The following RFWD3 variants were observed in gnomAD, a reference collection of about 807,000 sequenced individuals.
The protein encoded by RFWD3 is ring finger and WD repeat domain 3, also known as E3 ubiquitin-protein ligase RFWD3.
Under a neutral mutation model 87.7 loss-of-function variants are expected in RFWD3, and 65 were observed. That is an observed-to-expected ratio of 0.74 (90% confidence interval 0.61 to 0.91). The LOEUF is 0.91. Among genes scored for constraint, RFWD3 ranks in the 40% least tolerant of loss-of-function variants. The probability of loss-of-function intolerance (pLI) is 0.00; values close to 1 mark genes in which losing one functional copy is unlikely to be tolerated. For synonymous variants in RFWD3, 433 were observed against 352.8 expected (o/e 1.23, Z -2.55); for missense variants, 1,078 against 938.5 (o/e 1.15, Z -1.94).
At chr16:74,651,026 A>G (rs1960521656) in intron 3 of RFWD3, among the ~76,000 whole-genome samples, 2 of 152,266 alleles carry the variant, frequency 1.3e-5, no homozygotes, top group South Asian at 4.1e-4. Context: ...TGGGGTTCTA[A>G]CAACTTACGA....
At chr16:74,628,969 T>A (rs950918355) in intron 10 of RFWD3, among the ~76,000 whole-genome samples, 2 of 151,788 alleles carry the variant, frequency 1.3e-5, no homozygotes. Flanking sequence ...ATGTGAAGCT[T>A]CTGGAAATGG....
chr16:74,634,376 C>A (rs11859709), intron 8 of RFWD3, among the ~76,000 whole-genome samples: 1,488 of 97,226 alleles, frequency 0.015, 19 homozygotes, highest in African/African-American at 0.079. Context: ...TTACTAAGTA[C>A]TTTATATATA....
chr16:74,653,490 C>CAA (rs199536829), intron 2 of RFWD3, among the ~76,000 whole-genome samples: 7 of 137,622 alleles, frequency 5.1e-5, no homozygotes, highest in Non-Finnish European at 7.9e-5. Context: ...ACTCCATCTT[C>CAA]AAAAAAAAAA....
At chr16:74,635,313 A>T (rs189654865) in intron 8 of RFWD3, among the ~76,000 whole-genome samples, 25 of 152,022 alleles carry the variant, frequency 1.6e-4, no homozygotes, top group East Asian at 1.4e-3. Context: ...AAATAAAAAA[A>T]AAAATTAACT....
At chr16:74,666,178 C>T (rs955895065) in intron 1 of RFWD3, 23 of 136,736 alleles carry the variant, frequency 1.7e-4, no homozygotes, top group Non-Finnish European at 2.7e-4. Flanking sequence ...ATTAGATAGA[C>T]AGATTAGATA....
At position 74,636,342 on chromosome 16, in the gene RFWD3, T is replaced by C; in HGVS notation, c.1426+4A>G. The C allele has an allele frequency of 3.1e-6, 5 of 1,612,948 alleles. No homozygotes were observed. The highest frequency in any genetic ancestry group is 4.2e-6 in the Non-Finnish European group (5 of 1,178,920). On this transcript the variant is annotated splice_donor_region_variant and intron_variant, in intron 8 of 12. Transcript: ENST00000361070. ...CATGAAAGCTGAGGTTCTAGACTCT[T>C]TACCTGGAAGAAAAGAGGCCTGAGG...
chr16:74,652,992 A>G (rs948319420), intron 2 of RFWD3, among the ~76,000 whole-genome samples: 1 of 152,124 alleles, frequency 6.6e-6, no homozygotes, highest in Non-Finnish European at 1.5e-5. Context: ...AATTAATAAA[A>G]CCTTATACTA....
At chr16:74,636,107 C>T (rs1325073848) in intron 8 of RFWD3, among the ~76,000 whole-genome samples, 2 of 152,172 alleles carry the variant, frequency 1.3e-5, no homozygotes, top group Non-Finnish European at 2.9e-5. Flanking sequence ...TTCCAAGGAC[C>T]TCACCATCTG....
At chr16:74,634,775 T>C (rs911673280) in intron 8 of RFWD3, among the ~76,000 whole-genome samples, 2 of 151,698 alleles carry the variant, frequency 1.3e-5, no homozygotes, top group Non-Finnish European at 2.9e-5. Flanking sequence ...CTTACTGTAC[T>C]TTCTTCTAGC....
chr16:74,657,213 CTA>C (rs1453741308), intron 2 of RFWD3, among the ~76,000 whole-genome samples: 1 of 152,184 alleles, frequency 6.6e-6, no homozygotes, highest in East Asian at 1.9e-4. Flanking sequence ...TTGGTTTTTA[CTA>C]TGATTACAGG....
At chr16:74,651,806 A>G (rs1960587502) in intron 3 of RFWD3, 114 bp downstream of exon 3, 2 of 905,836 alleles carry the variant, frequency 2.2e-6, no homozygotes, top group African/African-American at 1.7e-5. Flanking sequence ...GGAATCCACA[A>G]CATTTAGGGG....
At chr16:74,660,665 G>T in intron 2 of RFWD3, 1 of 334,082 alleles carries the variant, frequency 3.0e-6, no homozygotes, top group South Asian at 6.6e-5. Flanking sequence ...AGAATTTTTG[G>T]TGTACAAGAC....
At chr16:74,635,298 A>G (rs1567571003) in intron 8 of RFWD3, among the ~76,000 whole-genome samples, 3 of 151,726 alleles carry the variant, frequency 2.0e-5, no homozygotes, top group Admixed American at 1.3e-4. Flanking sequence ...AATAAAAAAA[A>G]TAAAAAATAA....
At chr16:74,631,011 C>G in intron 9 of RFWD3, 54 bp from the exon 10 acceptor site, 1 of 1,442,892 alleles carries the variant, frequency 6.9e-7, no homozygotes, top group Non-Finnish European at 9.5e-7. Context: ...AAATACATGA[C>G]AAAGATGTAA....
rs765886734 is a variant in RFWD3 at position 74,630,830 on chromosome 16, C to A, written c.1705G>T (p.Val569Leu). ...TGCACATGACTGCTCGTGTTTCGCA[C>A]GTCATATACCAGAATTGAACCATTG... Reference protein sequence around the residue: ...LANGSILVYDVRNTSSHVQEL... With the variant: ...LANGSILVYDLRNTSSHVQEL... Residue 569 changes from valine (V) to leucine (L), a missense_variant, in exon 10 of 13, where the codon GTG becomes TTG. Transcript: ENST00000361070. 1 of 1,613,058 alleles carries A rather than the reference C, an allele frequency of 6.2e-7. No individual in the cohort carries two copies. Among genetic ancestry groups the A allele is most frequent in the Non-Finnish European group, 8.5e-7 (1 of 1,179,626 alleles).
At chr16:74,649,019 C>T in intron 4 of RFWD3, 113 bp downstream of exon 4, 1 of 561,218 alleles carries the variant, frequency 1.8e-6, no homozygotes, top group Non-Finnish European at 2.9e-6. Context: ...GAGTTTGAAA[C>T]TGCAGTGAGT....
intron 1 of RFWD3, among the ~76,000 whole-genome samples, chr16:74,666,077 G>T (rs866428352): frequency 2.1e-4 from 32 of 151,998 alleles, no homozygotes; most frequent in African/African-American, 7.0e-4. Flanking sequence ...GGAAGAGGAG[G>T]GAGAGGGAGA....
chr16:74,662,270 G>C (rs1567589169), intron 1 of RFWD3, among the ~76,000 whole-genome samples: 1 of 152,126 alleles, frequency 6.6e-6, no homozygotes, highest in Non-Finnish European at 1.5e-5. Context: ...CTACCACCTA[G>C]TTTTTAAAGT....
rs540331349 is a variant in RFWD3 at position 74,665,868 on chromosome 16, T to C, written c.-3+918A>G. ...TTCAAGCGATTCTCCTGCCTCAGCC[T>C]CCCGAGTAGCTGGGAAATGGGGTTT... On this transcript the variant is annotated intron_variant, in intron 1 of 12. Transcript: ENST00000361070. Among the ~76,000 whole-genome samples, 236 of 152,154 alleles carry C rather than the reference T, an allele frequency of 1.6e-3. 1 individual carries two copies. Among genetic ancestry groups the C allele is most frequent in the Non-Finnish European group, 3.1e-3 (209 of 68,012 alleles).
Sources: gnomAD v4.1 joint callset for allele counts (sites outside exome capture counted in the v4.1 genomes callset) on GRCh38, gnomAD v4.1.1 for gene constraint, MANE v1.5 for transcripts, NCBI Gene and HGNC (gene_info 2026-07-23, HGNC 2026-07-21) for gene names.